The following GPSM1 variants were observed in gnomAD, a reference collection of about 807,000 sequenced individuals.
GPSM1 encodes G protein-signaling modulator 1.
GPSM1 carries 48 observed loss-of-function variants against 70.5 expected under a neutral mutation model. The observed-to-expected ratio is 0.68, with a 90% CI of 0.54 to 0.87. GPSM1 has a LOEUF of 0.87. GPSM1 is among the 40% of genes least tolerant of loss of function. GPSM1 has a pLI of 0.00. For synonymous variants in GPSM1, 416 were observed against 430.1 expected, an observed-to-expected ratio of 0.97 and a Z score of 0.41; for missense variants, 981 against 972.6, an observed-to-expected ratio of 1.01 and a Z score of -0.11.
At chr9:136,337,154 C>T in intron 4 of GPSM1, 82 bp downstream of exon 4, 1 of 1,294,262 alleles carries the variant, frequency 7.7e-7, no homozygotes, top group South Asian at 1.4e-5. Context: ...ACCCCCGACC[C>T]CAGCCCCATA....
At chr9:136,357,665 G>A (rs7848555) in intron 13 of GPSM1, among the ~76,000 whole-genome samples, 79,414 of 152,194 alleles carry the variant, frequency 0.52, 20,867 homozygotes, top group East Asian at 0.67. Context: ...ACGCATGCCC[G>A]TCCCTGGGGA....
chr9:136,327,800 GGGACC>G (rs1189583545), intron 1 of GPSM1, 37 bp downstream of exon 1: 69 of 914,364 alleles, frequency 7.5e-5, no homozygotes, highest in African/African-American at 1.0e-4. Context: ...GGCCGGGGCT[GGGACC>G]GGACCGGGCC....
chr9:136,335,880 C>G lies in GPSM1; in HGVS notation c.291-86C>G, dbSNP rs1832220098. 6 of 1,386,354 alleles carry G rather than the reference C, an allele frequency of 4.3e-6. No homozygotes were observed. In the Admixed American group the frequency reaches 8.0e-5, roughly 18 times the overall value. The allele number at this position is 1,386,354 out of a possible 1,614,324, so 85.9% of individuals were successfully genotyped here. A position where few individuals can be genotyped will look rare whatever the true frequency, so the allele number is the denominator to read the frequency against. On this transcript the variant is annotated intron_variant, in intron 2 of 13. Transcript: ENST00000440944. ...CTCCATGCTGGTCCCTGAGGCCCAG[C>G]TACCCCACCCCATGCTCAGCCTCCC...
chr9:136,349,688 C>G lies in GPSM1; in HGVS notation c.1380C>G (p.Asp460Glu). ...VRSRKYQEGPDAERRPREGSH... is the reference protein window; with the variant it reads ...VRSRKYQEGPEAERRPREGSH... Reference sequence around the variant, plus strand: ...GCAGGAAGTACCAGGAAGGCCCGGACGCTGAGAGGAGGCCCCGGGAGGGCA... The same window carrying G: ...GCAGGAAGTACCAGGAAGGCCCGGAGGCTGAGAGGAGGCCCCGGGAGGGCA... The change falls in exon 11 of 14, where the codon GAC becomes GAG. Residue 460 changes from aspartate (D) to glutamate (E), a missense_variant. Coordinates refer to ENST00000440944, the MANE Select transcript of GPSM1 (RefSeq NM_001145638.3). The G allele has an allele frequency of 6.4e-7, 1 of 1,560,354 alleles. No homozygotes were observed. The highest frequency in any genetic ancestry group is 1.2e-5 in the South Asian group (1 of 84,768).
At chr9:136,356,908 G>A (rs1348741524) in intron 13 of GPSM1, among the ~76,000 whole-genome samples, 1 of 152,194 alleles carries the variant, frequency 6.6e-6, no homozygotes, top group Non-Finnish European at 1.5e-5. Flanking sequence ...ACACCCGGCA[G>A]GGAAAACACG....
At chr9:136,330,025 C>T (rs147914623) in intron 1 of GPSM1, among the ~76,000 whole-genome samples, 2 of 151,954 alleles carry the variant, frequency 1.3e-5, no homozygotes, top group Non-Finnish European at 2.9e-5. Context: ...CTGGGTGCTA[C>T]AGTTAATGCT....
intron 11 of GPSM1, among the ~76,000 whole-genome samples, chr9:136,351,234 G>A (rs1392607342): frequency 6.6e-6 from 1 of 152,100 alleles, no homozygotes; most frequent in Non-Finnish European, 1.5e-5. Context: ...CAACCATCTG[G>A]GCTAGGTCCA....
Position 136,358,399 on chromosome 9 carries a change from C to T in GPSM1, c.*179C>T, listed in dbSNP as rs1445582057. On this transcript the variant is annotated 3_prime_UTR_variant, in exon 14 of 14. Transcript: ENST00000440944. ...CTGCCCGTGGTGGGAGGGCGTGCTT[C>T]CATCCCGGGCTGGCCCCCATGGCCC... 4 of 624,498 alleles carry T rather than the reference C, an allele frequency of 6.4e-6. No homozygotes were observed. The South Asian group carries it at 8.0e-5, about 12-fold the overall frequency. 38.7% of individuals were successfully genotyped at this position (624,498 alleles called of 1,614,324 possible).
intron 12 of GPSM1, 133 bp downstream of exon 12, chr9:136,355,979 A>G (rs1832808483): frequency 1.4e-6 from 1 of 729,146 alleles, no homozygotes; most frequent in Non-Finnish European, 2.2e-6. Context: ...CCTGTCACTG[A>G]GGGCGCCCTC....
chr9:136,337,154 C>G, intron 4 of GPSM1, 82 bp downstream of exon 4: 2 of 1,294,262 alleles, frequency 1.5e-6, no homozygotes, highest in Admixed American at 5.0e-5. Flanking sequence ...ACCCCCGACC[C>G]CAGCCCCATA....
At chr9:136,329,526 G>A (rs973118400) in intron 1 of GPSM1, among the ~76,000 whole-genome samples, 19 of 152,158 alleles carry the variant, frequency 1.2e-4, no homozygotes, top group African/African-American at 4.6e-4. Flanking sequence ...TGGCGTGGGC[G>A]GTGGGCATGT....
chr9:136,349,178 G>A lies in GPSM1; in HGVS notation c.1279-409G>A, dbSNP rs190379353. Among the ~76,000 whole-genome samples the A allele has an allele frequency of 8.5e-5, 13 of 152,380 alleles. No individual in the cohort carries two copies. In the South Asian group the frequency reaches 1.0e-3, roughly 12 times the overall value. On this transcript the variant is annotated intron_variant, in intron 10 of 13. Coordinates refer to ENST00000440944, the MANE Select transcript of GPSM1 (RefSeq NM_001145638.3). ...CAGACAGATTCGGGGGCTGCCTGGCGTAGGGCCCTGGGCTGGCCCTGTGCC... is the reference window on the plus strand; with the variant it reads ...CAGACAGATTCGGGGGCTGCCTGGCATAGGGCCCTGGGCTGGCCCTGTGCC...
At chr9:136,353,075 C>T in intron 11 of GPSM1, 1 of 985,134 alleles carries the variant, frequency 1.0e-6, no homozygotes, top group Non-Finnish European at 1.2e-6. Flanking sequence ...TGGCCCTGGG[C>T]ACCTTGTGTC....
At chr9:136,357,584 G>A (rs1433577984) in intron 13 of GPSM1, among the ~76,000 whole-genome samples, 2 of 152,240 alleles carry the variant, frequency 1.3e-5, no homozygotes, top group African/African-American at 4.8e-5. Context: ...GGCTCTGGAA[G>A]CTGAGACCTC....
chr9:136,342,059 G>A lies in GPSM1; in HGVS notation c.1207+1066G>A, dbSNP rs1336653019. Among the ~76,000 whole-genome samples, 9 of 152,172 alleles carry A rather than the reference G, an allele frequency of 5.9e-5. No individual in the cohort carries two copies. Among genetic ancestry groups the A allele is most frequent in the African/African-American group, 2.2e-4 (9 of 41,432 alleles). On this transcript the variant is annotated intron_variant, in intron 9 of 13. Coordinates refer to ENST00000440944, the MANE Select transcript of GPSM1 (RefSeq NM_001145638.3). The surrounding 1 kb of genome is among the most constrained non-coding windows in gnomAD (Gnocchi z 5.5). ...GCAGAGGCTGAAGACAGAGGAAGGA[G>A]CAGAGGCTCTGGGGCCCTCAGCGAG...
chr9:136,343,251 G>A lies in GPSM1; in HGVS notation c.1207+2258G>A, dbSNP rs1022488937. On this transcript the variant is annotated intron_variant, in intron 9 of 13. Coordinates refer to ENST00000440944, the MANE Select transcript of GPSM1 (RefSeq NM_001145638.3). The surrounding 1 kb of genome is among the most constrained non-coding windows in gnomAD (Gnocchi z 6.0). Reference sequence around the variant, plus strand: ...GCCCGGGCCTCCCACACTTGCTCCTGGGCTGCCCACCCCCCACCCCAGCAA... The same window carrying A: ...GCCCGGGCCTCCCACACTTGCTCCTAGGCTGCCCACCCCCCACCCCAGCAA... 6.6e-6 allele frequency among the ~76,000 whole-genome samples: 1 copy of A among 152,050 alleles called. No individual in the cohort carries two copies. The highest frequency in any genetic ancestry group is 2.4e-5 in the African/African-American group (1 of 41,406).
In GPSM1 at chr9:136,327,779, GCCGGGGCCGGGGCCGGGGCTGGGA is replaced by G; in HGVS notation, c.68+21_68+44del. 9.7e-7 allele frequency: 1 copy of G among 1,032,452 alleles called. No individual in the cohort carries two copies. Among genetic ancestry groups the G allele is most frequent in the African/African-American group, 1.7e-5 (1 of 59,964 alleles). The allele number at this position is 1,032,452 out of a possible 1,614,324, so 64.0% of individuals were successfully genotyped here. ...TCTACTCCAGGTAGGACGGGCCGGG[GCCGGGGCCGGGGCCGGGGCTGGGA>G]CCGGACCGGGCCGGGTCGGGACGCG... On this transcript the variant is annotated intron_variant, in intron 1 of 13. Coordinates refer to ENST00000440944, the MANE Select transcript of GPSM1 (RefSeq NM_001145638.3).
Position 136,340,713 on chromosome 9 carries a change from G to A in GPSM1, c.1084-157G>A, listed in dbSNP as rs1298942009. 6.6e-6 allele frequency among the ~76,000 whole-genome samples: 1 copy of A among 152,114 alleles called. No individual in the cohort carries two copies. Among genetic ancestry groups the A allele is most frequent in the Non-Finnish European group, 1.5e-5 (1 of 68,016 alleles). On this transcript the variant is annotated intron_variant, in intron 8 of 13. Coordinates refer to ENST00000440944, the MANE Select transcript of GPSM1 (RefSeq NM_001145638.3). This position sits in a 1 kb window ranked among gnomAD's most constrained non-coding sequence, Gnocchi z 7.3. ...CCCAGACTCCACCTCCGGGTCCACA[G>A]TGAGTCCTGGTTCCCTCAGAGGCCC...
intron 11 of GPSM1, among the ~76,000 whole-genome samples, chr9:136,352,780 G>A (rs1315045960): frequency 3.3e-5 from 5 of 152,212 alleles, no homozygotes; most frequent in African/African-American, 1.2e-4. Flanking sequence ...GTGTCAGCGG[G>A]AAAAGGGCTC....
Sources: allele counts gnomAD v4.1 joint callset (sites outside exome capture counted in the v4.1 genomes callset), GRCh38; gene constraint gnomAD v4.1.1; non-coding constraint Gnocchi (gnomAD v3.1); transcripts MANE v1.5; gene names NCBI Gene and HGNC (gene_info 2026-07-23, HGNC 2026-07-21).